The following ANKRD6 variants were observed in gnomAD, a reference collection of about 807,000 sequenced individuals.
ANKRD6 encodes the protein ankyrin repeat domain 6, also known as ankyrin repeat domain-containing protein 6.
A neutral mutation model predicts 82.3 loss-of-function variants in ANKRD6; 56 were observed. That is an observed-to-expected ratio of 0.68 (90% confidence interval 0.55 to 0.85). The LOEUF is 0.85. ANKRD6 is among the 40% of genes least tolerant of loss of function. The pLI, the probability that ANKRD6 is intolerant of heterozygous loss-of-function variation, is 0.00. For missense variants in ANKRD6, 852 were observed against 907.6 expected (o/e 0.94, Z 0.79); for synonymous variants, 347 against 352.1 (o/e 0.99, Z 0.16).
At chr6:89,469,239 C>A (rs1192759098) in intron 1 of ANKRD6, among the ~76,000 whole-genome samples, 2 of 152,154 alleles carry the variant, frequency 1.3e-5, no homozygotes, top group Non-Finnish European at 2.9e-5. Flanking sequence ...TATATATAGA[C>A]CCCTACCGTG....
chr6:89,476,737 A>G (rs1050855179), intron 1 of ANKRD6, among the ~76,000 whole-genome samples: 1 of 152,224 alleles, frequency 6.6e-6, no homozygotes, highest in Non-Finnish European at 1.5e-5. Flanking sequence ...GACACAAAAA[A>G]ATAGGATGAC....
At chr6:89,494,748 C>G (rs1211195536) in intron 1 of ANKRD6, among the ~76,000 whole-genome samples, 2 of 152,144 alleles carry the variant, frequency 1.3e-5, no homozygotes, top group Non-Finnish European at 2.9e-5. Context: ...GCTTTCCAGC[C>G]CCCTGGAAAG....
rs537772331 is a variant in ANKRD6 at position 89,600,667 on chromosome 6, C to T, written c.220-2362C>T. On this transcript the variant is annotated intron_variant, in intron 3 of 15. Transcript: ENST00000339746. ...TCAGTAATCATCATTGCACTGGAGG[C>T]CTATTTTGGGAAATTCCGTCACCAT... Among the ~76,000 whole-genome samples, 57 of 152,186 alleles carry T rather than the reference C, an allele frequency of 3.7e-4. No individual in the cohort carries two copies. In the South Asian group the frequency reaches 0.012, roughly 31 times the overall value.
chr6:89,508,639 C>T (rs769910672), intron 1 of ANKRD6, among the ~76,000 whole-genome samples: 7 of 152,064 alleles, frequency 4.6e-5, no homozygotes, highest in Admixed American at 6.5e-5. Context: ...TTGTCGGACA[C>T]GGTCATCAAC....
At chr6:89,611,185 T>A (rs1343283222) in intron 5 of ANKRD6, among the ~76,000 whole-genome samples, 4 of 147,020 alleles carry the variant, frequency 2.7e-5, no homozygotes, top group African/African-American at 1.0e-4. Flanking sequence ...TTTTTTTTTT[T>A]AACTCATTTC....
At chr6:89,527,601 C>CAAAAA (rs35855223) in intron 1 of ANKRD6, among the ~76,000 whole-genome samples, 41 of 45,650 alleles carry the variant, frequency 9.0e-4, no homozygotes, top group African/African-American at 3.1e-3. Context: ...GACTCCGTCT[C>CAAAAA]AAAAAAAAAA....
chr6:89,498,766 G>C (rs547399916), intron 1 of ANKRD6, among the ~76,000 whole-genome samples: 1 of 152,320 alleles, frequency 6.6e-6, no homozygotes, highest in East Asian at 1.9e-4. Flanking sequence ...GGATTAGATG[G>C]ATTCTTTGAA....
intron 1 of ANKRD6, among the ~76,000 whole-genome samples, chr6:89,528,846 A>G (rs1032965750): frequency 6.6e-5 from 10 of 152,262 alleles, no homozygotes; most frequent in Non-Finnish European, 1.2e-4. Context: ...TTGGGTGACC[A>G]GGTGTATCAT....
chr6:89,591,586 A>G (rs192492138), intron 2 of ANKRD6, among the ~76,000 whole-genome samples: 1 of 152,274 alleles, frequency 6.6e-6, no homozygotes, highest in Non-Finnish European at 1.5e-5. Flanking sequence ...AGCTTTTCCC[A>G]TTAGTCGGAC....
In ANKRD6 at chr6:89,613,848, G is replaced by GC. The variant is rs1168621413; in HGVS notation, c.574dup (p.Leu192ProfsTer11). ...GCTATAATCACTTGTCCATCATTAG[G>GC]CTCCTCCTCACTGCTTTCTGTTCTG... On this transcript the variant is annotated frameshift_variant, in exon 7 of 16. Coordinates refer to ENST00000339746, the MANE Select transcript of ANKRD6 (RefSeq NM_001242809.2). LOFTEE classifies it high-confidence loss of function. 2 of 1,613,972 alleles carry GC rather than the reference G, an allele frequency of 1.2e-6. No homozygotes were observed. The highest frequency in any genetic ancestry group is 2.2e-5 in the South Asian group (2 of 91,078).
At chr6:89,525,569 G>T (rs1202492462) in intron 1 of ANKRD6, among the ~76,000 whole-genome samples, 3 of 152,220 alleles carry the variant, frequency 2.0e-5, no homozygotes, top group Admixed American at 1.3e-4. Flanking sequence ...ATAGCCTCTG[G>T]CATGGACCAA....
At position 89,508,576 on chromosome 6, in the gene ANKRD6, A is replaced by T. The variant is rs180950979; in HGVS notation, c.-143-58258A>T. ...CAGAAAAGATAGATTACATTGGGGG[A>T]GGTGGCTTTAATGGCTCCTAAAGGG... On this transcript the variant is annotated intron_variant, in intron 1 of 15. Coordinates refer to ENST00000339746, the MANE Select transcript of ANKRD6 (RefSeq NM_001242809.2). Among the ~76,000 whole-genome samples, 561 of 152,096 alleles carry T rather than the reference A, an allele frequency of 3.7e-3. 1 individual carries two copies. Among genetic ancestry groups the T allele is most frequent in the Non-Finnish European group, 6.2e-3 (420 of 67,974 alleles).
chr6:89,535,337 G>T (rs192641382), intron 1 of ANKRD6, among the ~76,000 whole-genome samples: 60 of 151,426 alleles, frequency 4.0e-4, no homozygotes, highest in Admixed American at 1.2e-3. Context: ...ATCCTGGGGG[G>T]AAAAATATAT....
At chr6:89,479,998 G>T (rs1010283296) in intron 1 of ANKRD6, among the ~76,000 whole-genome samples, 9 of 152,092 alleles carry the variant, frequency 5.9e-5, no homozygotes, top group African/African-American at 2.2e-4. Flanking sequence ...GTAAAGTTTG[G>T]TTTGTATCAC....
chr6:89,573,419 A>G lies in ANKRD6; in HGVS notation c.120+6323A>G, dbSNP rs947917741. ...AATTCTCCATGAGTAAACCTATTAC[A>G]TATTTATCAGCCCGAGTCTTTTCCT... On this transcript the variant is annotated intron_variant, in intron 2 of 15. Transcript: ENST00000339746. Among the ~76,000 whole-genome samples the G allele has an allele frequency of 2.0e-5, 3 of 152,194 alleles. No individual in the cohort carries two copies. The South Asian group carries it at 6.2e-4, about 32-fold the overall frequency.
intron 2 of ANKRD6, among the ~76,000 whole-genome samples, chr6:89,575,059 C>G (rs530053596): frequency 6.6e-6 from 1 of 152,166 alleles, no homozygotes; most frequent in South Asian, 2.1e-4. Flanking sequence ...CATGGGAAAC[C>G]CAGCAAAGCC....
chr6:89,590,397 T>C (rs1794650612), intron 2 of ANKRD6, among the ~76,000 whole-genome samples: 1 of 152,118 alleles, frequency 6.6e-6, no homozygotes, highest in African/African-American at 2.4e-5. Flanking sequence ...GTATAAAAAC[T>C]GCCTGGGCCT....
At chr6:89,613,391 C>T (rs187077627) in intron 6 of ANKRD6, among the ~76,000 whole-genome samples, 1 of 152,182 alleles carries the variant, frequency 6.6e-6, no homozygotes, top group Non-Finnish European at 1.5e-5. Context: ...GGGAAGGGCT[C>T]ATTTCCAAAG....
At chr6:89,506,055 G>A (rs1298954553) in intron 1 of ANKRD6, among the ~76,000 whole-genome samples, 1 of 152,170 alleles carries the variant, frequency 6.6e-6, no homozygotes, top group African/African-American at 2.4e-5. Flanking sequence ...GGCTGGGGGA[G>A]GGCGGTGGAA....
Sources: allele counts gnomAD v4.1 joint callset (sites outside exome capture counted in the v4.1 genomes callset), GRCh38; gene constraint gnomAD v4.1.1; transcripts MANE v1.5; gene names NCBI Gene and HGNC (gene_info 2026-07-23, HGNC 2026-07-21).